TCF25: variants seen among roughly 807,000 people sequenced by gnomAD.
The protein encoded by TCF25 is TCF25 ribosome quality control complex subunit, also known as ribosome quality control complex subunit TCF25.
TCF25 carries 41 observed loss-of-function variants against 83.1 expected under a neutral mutation model. That is an observed-to-expected ratio of 0.49 (90% confidence interval 0.38 to 0.64). TCF25 has a LOEUF of 0.64. Among genes scored for constraint, TCF25 ranks in the 30% least tolerant of loss-of-function variants. TCF25 has a pLI of 0.00. For synonymous variants in TCF25, 458 were observed against 365.0 expected (o/e 1.25, Z -2.90); for missense variants, 979 against 914.5 (o/e 1.07, Z -0.91).
chr16:89,901,517 G>A (rs2044331734), intron 12 of TCF25, among the ~76,000 whole-genome samples: 2 of 137,042 alleles, frequency 1.5e-5, no homozygotes, highest in Admixed American at 7.2e-5. Flanking sequence ...AGGCCGAGGT[G>A]GGCGGATCAC....
intron 3 of TCF25, among the ~76,000 whole-genome samples, chr16:89,885,119 T>TGACGCCCTCTCCCTCTGCCG (rs2042908449): frequency 1.3e-5 from 2 of 150,618 alleles, no homozygotes; most frequent in Admixed American, 6.6e-5. Flanking sequence ...TCCCTCTGCC[T>TGACGCCCTCTCCCTCTGCCG]GACGCTCTCT....
chr16:89,900,793 A>C lies in TCF25; in HGVS notation c.1380A>C (p.Gly460=). The part of the protein sequence containing the change: ...LIQQALTMFP[G]VLLPLLESCS... ...AGCAGGCGCTCACCATGTTCCCTGG[A>C]GGTGAGTGAGCGCTGTGTCTCGCCT... The change falls in exon 12 of 18, where the codon GGA becomes GGC. Residue 460 remains glycine (G), a splice_region_variant and synonymous_variant. Coordinates refer to ENST00000263346, the MANE Select transcript of TCF25 (RefSeq NM_014972.3). 6.4e-7 allele frequency: 1 copy of C among 1,570,764 alleles called. No homozygotes were observed. Among genetic ancestry groups the C allele is most frequent in the Non-Finnish European group, 8.7e-7 (1 of 1,145,168 alleles).
chr16:89,906,711 CAG>C (rs2044817176), intron 15 of TCF25, among the ~76,000 whole-genome samples: 1 of 152,120 alleles, frequency 6.6e-6, no homozygotes, highest in Non-Finnish European at 1.5e-5. Flanking sequence ...ACCAGCAAGT[CAG>C]AGGGTCGCAG....
intron 16 of TCF25, among the ~76,000 whole-genome samples, chr16:89,908,389 C>T (rs28973246): frequency 0.035 from 5,079 of 145,146 alleles, 336 homozygotes; most frequent in African/African-American, 0.13. Context: ...CACCTCCCTC[C>T]TTCCAGTTTC....
At chr16:89,891,450 C>T (rs1329271923) in intron 5 of TCF25, among the ~76,000 whole-genome samples, 3 of 152,238 alleles carry the variant, frequency 2.0e-5, no homozygotes, top group Admixed American at 1.3e-4. Flanking sequence ...AAGGGAGCTG[C>T]ACCGTGCTGA....
chr16:89,910,230 T>G, intron 16 of TCF25: 1 of 292,916 alleles, frequency 3.4e-6, no homozygotes, highest in South Asian at 4.0e-5. Context: ...AGCTTCTGCC[T>G]TTGCGTAAGG....
chr16:89,873,987 C>T (rs1319768256), intron 1 of TCF25, 128 bp downstream of exon 1: 102 of 1,068,068 alleles, frequency 9.5e-5, no homozygotes, highest in South Asian at 1.3e-4. Flanking sequence ...GGGTCCCAGC[C>T]GCAGTGGGGA....
chr16:89,886,037 C>CGGCTGCCCTTCTCTGT (rs751692004), intron 4 of TCF25, 71 bp downstream of exon 4: 9 of 1,309,302 alleles, frequency 6.9e-6, no homozygotes, highest in South Asian at 2.4e-5. Context: ...CCCTTCTCTG[C>CGGCTGCCCTTCTCTGT]GGCTGCCCTT....
At chr16:89,898,180 A>G (rs916256579) in intron 9 of TCF25, among the ~76,000 whole-genome samples, 31 of 152,220 alleles carry the variant, frequency 2.0e-4, no homozygotes, top group Admixed American at 2.0e-3. Flanking sequence ...TGTAAAGGAC[A>G]AGGAGAGCGC....
rs1299230136 is a variant in TCF25, at chr16:89,885,975, C to T, written c.548+9C>T. 7.2e-7 allele frequency: 1 copy of T among 1,388,826 alleles called. No individual in the cohort carries two copies. Among genetic ancestry groups the T allele is most frequent in the African/African-American group, 2.6e-5 (1 of 38,120 alleles). The allele number at this position is 1,388,826 out of a possible 1,614,324, so 86.0% of individuals were successfully genotyped here. A position where few individuals can be genotyped will look rare whatever the true frequency, so the allele number is the denominator to read the frequency against. On this transcript the variant is annotated intron_variant, in intron 4 of 17. Coordinates refer to ENST00000263346, the MANE Select transcript of TCF25 (RefSeq NM_014972.3). ...CTCTACGTGGAGCACAGGTGTGGCCCCCGCCCTTCTCTGCGGCTGCCCTTC... is the reference window on the plus strand; with the variant it reads ...CTCTACGTGGAGCACAGGTGTGGCCTCCGCCCTTCTCTGCGGCTGCCCTTC...
chr16:89,884,859 G>A (rs2042870957), intron 3 of TCF25, among the ~76,000 whole-genome samples: 2 of 78,942 alleles, frequency 2.5e-5, no homozygotes, highest in Admixed American at 2.6e-4. Flanking sequence ...TCTGCCTGAC[G>A]CCCTCTCCCT....
intron 7 of TCF25, 95 bp from the exon 8 acceptor site, chr16:89,894,943 C>A (rs1187017493): frequency 1.8e-6 from 2 of 1,112,818 alleles, no homozygotes; most frequent in African/African-American, 1.5e-5. Context: ...CTGCGCCCAG[C>A]CTCCGCTGGT....
At position 89,874,314 on chromosome 16, in the gene TCF25, A is replaced by G. The variant is rs1434796763; in HGVS notation, c.192+455A>G. Among the ~76,000 whole-genome samples the G allele has an allele frequency of 3.3e-5, 4 of 121,408 alleles. No homozygotes were observed. The East Asian group carries it at 1.0e-3, about 31-fold the overall frequency. The allele number at this position is 121,408 out of a possible 152,430, so 79.6% of individuals were successfully genotyped here. On this transcript the variant is annotated intron_variant, in intron 1 of 17. Coordinates refer to ENST00000263346, the MANE Select transcript of TCF25 (RefSeq NM_014972.3). Reference sequence around the variant, plus strand: ...GTGACGCTAAAGGGCGTGGCTAAAGACGGGGGGGTGGCGAGGCGATGGCGT... The same window carrying G: ...GTGACGCTAAAGGGCGTGGCTAAAGGCGGGGGGGTGGCGAGGCGATGGCGT...
At chr16:89,883,613 T>C in intron 2 of TCF25, 101 bp downstream of exon 2, 1 of 1,400,384 alleles carries the variant, frequency 7.1e-7, no homozygotes, top group South Asian at 1.5e-5. Flanking sequence ...GGTGTAATTT[T>C]CCGAGTTCCA....
intron 5 of TCF25, among the ~76,000 whole-genome samples, chr16:89,888,715 C>T (rs1184704168): frequency 1.4e-5 from 2 of 143,672 alleles, no homozygotes; most frequent in South Asian, 2.2e-4. Flanking sequence ...CTTGCTCTGT[C>T]GCCCAGGCTG....
At chr16:89,893,611 C>A (rs995954599) in intron 6 of TCF25, 117 bp from the exon 7 acceptor site, 5 of 1,517,340 alleles carry the variant, frequency 3.3e-6, no homozygotes, top group Non-Finnish European at 4.5e-6. Context: ...ACACTCAGGT[C>A]AAGTTTGTCG....
chr16:89,875,657 G>A (rs941405988), intron 1 of TCF25, among the ~76,000 whole-genome samples: 5 of 150,984 alleles, frequency 3.3e-5, no homozygotes, highest in African/African-American at 1.2e-4. Context: ...CAAGTAGCTG[G>A]GAACACAGGC....
intron 1 of TCF25, among the ~76,000 whole-genome samples, chr16:89,875,525 T>G (rs1019366826): frequency 6.7e-5 from 9 of 133,828 alleles, no homozygotes; most frequent in African/African-American, 1.1e-4. Flanking sequence ...TTTTTTTTTT[T>G]TTTTTTTTTT....
chr16:89,906,308 G>A (rs1347870870), intron 15 of TCF25, 24 bp downstream of exon 15: 1 of 1,609,320 alleles, frequency 6.2e-7, no homozygotes, highest in Non-Finnish European at 8.5e-7. Context: ...GCTGAAATGG[G>A]AGCTCTGTGT....
Sources: gnomAD v4.1 joint callset for allele counts (sites outside exome capture counted in the v4.1 genomes callset) on GRCh38, gnomAD v4.1.1 for gene constraint, MANE v1.5 for transcripts, NCBI Gene and HGNC (gene_info 2026-07-23, HGNC 2026-07-21) for gene names.